LIMD1: variants seen among roughly 807,000 people sequenced by gnomAD.
LIMD1 encodes LIM domain containing 1, also known as LIM domain-containing protein 1.
LIMD1 carries 23 observed loss-of-function variants against 58.4 expected under a neutral mutation model. The ratio of observed to expected loss-of-function variants is 0.39; its 90% CI spans 0.28 to 0.56. The LOEUF is 0.56. Ranked by LOEUF, LIMD1 falls within the 20% of genes least tolerant of loss-of-function variation. The pLI, the probability that LIMD1 is intolerant of heterozygous loss-of-function variation, is 0.57. For missense variants in LIMD1, 838 were observed against 855.5 expected (o/e 0.98, Z 0.25); for synonymous variants, 334 against 345.5 (o/e 0.97, Z 0.37).
chr3:45,613,580 GTT>G (rs35966139), intron 1 of LIMD1, among the ~76,000 whole-genome samples: 1 of 130,894 alleles, frequency 7.6e-6, no homozygotes, highest in Non-Finnish European at 1.6e-5. Flanking sequence ...CCCTGTTGAG[GTT>G]TTTTTTTTTT....
intron 2 of LIMD1, among the ~76,000 whole-genome samples, chr3:45,657,214 A>G (rs912972541): frequency 6.6e-6 from 1 of 152,132 alleles, no homozygotes; most frequent in Admixed American, 6.5e-5. Context: ...CTCCAAAGAT[A>G]CAAACTTTAG....
At chr3:45,613,838 G>C (rs1412090608) in intron 1 of LIMD1, among the ~76,000 whole-genome samples, 1 of 151,980 alleles carries the variant, frequency 6.6e-6, no homozygotes, top group Non-Finnish European at 1.5e-5. Flanking sequence ...CGTTTCTCTT[G>C]GGTAAATACC....
At chr3:45,631,638 C>G (rs1467443222) in intron 1 of LIMD1, among the ~76,000 whole-genome samples, 1 of 152,118 alleles carries the variant, frequency 6.6e-6, no homozygotes, top group East Asian at 1.9e-4. Context: ...CAGAGGGTCA[C>G]AGCCCTCAGA....
intron 4 of LIMD1, among the ~76,000 whole-genome samples, chr3:45,671,210 G>T (rs1639862254): frequency 6.6e-6 from 1 of 152,244 alleles, no homozygotes; most frequent in South Asian, 2.1e-4. Context: ...GAGGAAGCTT[G>T]AAAGCTGAGC....
At chr3:45,606,517 C>T (rs1465147853) in intron 1 of LIMD1, among the ~76,000 whole-genome samples, 1 of 152,190 alleles carries the variant, frequency 6.6e-6, no homozygotes, top group Non-Finnish European at 1.5e-5. Context: ...CTCTTCTGTC[C>T]AGGAGCCTGT....
chr3:45,653,391 C>G (rs756889269), intron 2 of LIMD1, among the ~76,000 whole-genome samples: 8 of 152,152 alleles, frequency 5.3e-5, no homozygotes, highest in Non-Finnish European at 1.0e-4. Context: ...CCACTTTTAT[C>G]CTTACCAGGG....
intron 6 of LIMD1, chr3:45,673,993 T>C (rs7634013): frequency 0.038 from 10,484 of 277,876 alleles, 273 homozygotes; most frequent in African/African-American, 0.076. Context: ...TTGTGCTGAT[T>C]TGTCCCCATA....
intron 2 of LIMD1, among the ~76,000 whole-genome samples, chr3:45,642,186 T>C (rs571360522): frequency 6.6e-6 from 1 of 150,826 alleles, no homozygotes; most frequent in Admixed American, 6.6e-5. Context: ...TTTTTTTTTT[T>C]TCTTTTTGAG....
At chr3:45,596,990 T>C (rs1394447523) in intron 1 of LIMD1, among the ~76,000 whole-genome samples, 2 of 151,062 alleles carry the variant, frequency 1.3e-5, no homozygotes, top group African/African-American at 2.4e-5. Context: ...GCCTCTTGAG[T>C]AGCTGGGACT....
chr3:45,675,568 T>G (rs904793876), intron 7 of LIMD1, among the ~76,000 whole-genome samples: 1 of 151,610 alleles, frequency 6.6e-6, no homozygotes, highest in Admixed American at 6.6e-5. Context: ...ATTAAAGTCA[T>G]GTATCATTTT....
At chr3:45,661,983 C>T (rs1264931438) in intron 2 of LIMD1, among the ~76,000 whole-genome samples, 4 of 152,154 alleles carry the variant, frequency 2.6e-5, no homozygotes, top group Non-Finnish European at 5.9e-5. Context: ...GTCTTGAGCT[C>T]CTGGGTTCAA....
chr3:45,599,120 G>A (rs893783610), intron 1 of LIMD1, among the ~76,000 whole-genome samples: 2 of 152,104 alleles, frequency 1.3e-5, no homozygotes, highest in Non-Finnish European at 1.5e-5. Flanking sequence ...AGATTTGGAA[G>A]CCTATTTTAT....
chr3:45,665,447 C>T (rs143441028), intron 2 of LIMD1, among the ~76,000 whole-genome samples: 1 of 152,242 alleles, frequency 6.6e-6, no homozygotes, highest in African/African-American at 2.4e-5. Flanking sequence ...TAGCACCTGC[C>T]AGGGCACCCT....
intron 4 of LIMD1, among the ~76,000 whole-genome samples, chr3:45,670,810 C>T (rs957227037): frequency 6.6e-6 from 1 of 152,182 alleles, no homozygotes; most frequent in Non-Finnish European, 1.5e-5. Flanking sequence ...CAGGTCTTCC[C>T]TAGGACTTGA....
At chr3:45,615,825 A>G (rs1026630225) in intron 1 of LIMD1, among the ~76,000 whole-genome samples, 3 of 151,834 alleles carry the variant, frequency 2.0e-5, no homozygotes, top group Non-Finnish European at 2.9e-5. Context: ...TAAGCCTCCA[A>G]TGTCTGTCAT....
intron 1 of LIMD1, among the ~76,000 whole-genome samples, chr3:45,597,102 C>T (rs905979143): frequency 3.9e-5 from 6 of 152,056 alleles, no homozygotes; most frequent in Non-Finnish European, 7.4e-5. Flanking sequence ...CCTCGTGATC[C>T]GCCCGCCTTG....
chr3:45,661,704 G>A (rs570080127), intron 2 of LIMD1, among the ~76,000 whole-genome samples: 19 of 152,162 alleles, frequency 1.2e-4, no homozygotes, highest in Non-Finnish European at 2.6e-4. Context: ...TAACACTGGG[G>A]TTATCATTCT....
intron 1 of LIMD1, among the ~76,000 whole-genome samples, chr3:45,607,514 T>C (rs1438118276): frequency 1.3e-5 from 2 of 152,116 alleles, no homozygotes; most frequent in Non-Finnish European, 2.9e-5. Flanking sequence ...CTCAGGGGTC[T>C]CTACCTCCCT....
chr3:45,640,412 G>GTTT, intron 2 of LIMD1, among the ~76,000 whole-genome samples: 1 of 151,972 alleles, frequency 6.6e-6, no homozygotes, highest in East Asian at 1.9e-4. Context: ...CTTTCTTGTT[G>GTTT]TTTTTTGTTG....
Sources: gnomAD v4.1 joint callset for allele counts (sites outside exome capture counted in the v4.1 genomes callset) on GRCh38, gnomAD v4.1.1 for gene constraint, MANE v1.5 for transcripts, NCBI Gene and HGNC (gene_info 2026-07-23, HGNC 2026-07-21) for gene names.